Variants in SYT16 observed in about 807,000 individuals in gnomAD.
The protein encoded by SYT16 is synaptotagmin 16.
A neutral mutation model predicts 61.4 loss-of-function variants in SYT16; 42 were observed. That is an observed-to-expected ratio of 0.68 (90% CI 0.53 to 0.89). SYT16 has a LOEUF of 0.89. Among genes scored for constraint, SYT16 ranks in the 40% least tolerant of loss-of-function variants. SYT16 has a pLI of 0.00. For missense variants in SYT16, 804 were observed against 807.3 expected, an observed-to-expected ratio of 1.00 and a Z score of 0.05; for synonymous variants, 314 against 302.3, an observed-to-expected ratio of 1.04 and a Z score of -0.40.
chr14:61,842,079 G>A (rs1594741217), intron 1 of SYT16, among the ~76,000 whole-genome samples: 2 of 152,000 alleles, frequency 1.3e-5, no homozygotes, highest in East Asian at 3.9e-4. Flanking sequence ...ATATATTTGT[G>A]GGGTACATGA....
intron 2 of SYT16, among the ~76,000 whole-genome samples, chr14:61,981,555 T>C (rs945789296): frequency 7.9e-5 from 12 of 152,354 alleles, no homozygotes; most frequent in African/African-American, 2.4e-4. Context: ...CATTTCCAAA[T>C]GATACTCTCT....
At chr14:62,047,804 C>G (rs1217923170) in intron 3 of SYT16, among the ~76,000 whole-genome samples, 1 of 152,116 alleles carries the variant, frequency 6.6e-6, no homozygotes, top group Non-Finnish European at 1.5e-5. Flanking sequence ...TTGAACCAGC[C>G]TTGCATCCCA....
intron 1 of SYT16, among the ~76,000 whole-genome samples, chr14:61,962,135 AG>A (rs2051139560): frequency 6.6e-6 from 1 of 152,138 alleles, no homozygotes; most frequent in Non-Finnish European, 1.5e-5. Flanking sequence ...GAATGGGAGG[AG>A]GGTAAGATTT....
intron 3 of SYT16, among the ~76,000 whole-genome samples, chr14:62,067,858 T>C (rs1174945122): frequency 6.6e-6 from 1 of 152,102 alleles, no homozygotes; most frequent in East Asian, 1.9e-4. Context: ...TGGTGGTGCA[T>C]GCCTGTAATC....
chr14:61,890,698 C>T (rs73258426), intron 1 of SYT16, among the ~76,000 whole-genome samples: 3,508 of 152,016 alleles, frequency 0.023, 145 homozygotes, highest in African/African-American at 0.079. Flanking sequence ...TAGTAAATTG[C>T]GTATGTTAGT....
In SYT16 at chr14:62,110,680, A is replaced by T. The variant is rs933403651; in HGVS notation, c.*9973A>T. On this transcript the variant is annotated 3_prime_UTR_variant, in exon 8 of 8. Transcript: ENST00000683842. ...ATTAGGTTCTAATTTTTTTTTGTTC[A>T]AACACTGATCATGTAACAAACTGCA... 12 of 151,988 alleles carry T rather than the reference A, an allele frequency of 7.9e-5. No individual in the cohort carries two copies. The East Asian group carries it at 2.1e-3, about 27-fold the overall frequency. 9.4% of individuals were successfully genotyped at this position (151,988 alleles called of 1,614,324 possible).
In SYT16 at chr14:61,932,105, A is replaced by G. The variant is rs970268479; in HGVS notation, c.-324-38027A>G. Among the ~76,000 whole-genome samples, 7 of 152,324 alleles carry G rather than the reference A, an allele frequency of 4.6e-5. No homozygotes were observed. The East Asian group carries it at 9.6e-4, about 21-fold the overall frequency. On this transcript the variant is annotated intron_variant, in intron 1 of 7. Coordinates refer to ENST00000683842, the MANE Select transcript of SYT16 (RefSeq NM_001367656.1). ...GACACTGCTTTAACCAGTTGAACAC[A>G]CACTGGGCACTGTGGCCACCAGCCA... is the stretch of plus-strand genomic sequence containing the variant.
At chr14:61,943,409 A>G (rs2140455791) in intron 1 of SYT16, among the ~76,000 whole-genome samples, 1 of 152,270 alleles carries the variant, frequency 6.6e-6, no homozygotes, top group South Asian at 2.1e-4. Flanking sequence ...TGATATCAAA[A>G]CCTGGCTGAG....
At chr14:61,911,633 A>T (rs1157764408) in intron 1 of SYT16, among the ~76,000 whole-genome samples, 1 of 152,212 alleles carries the variant, frequency 6.6e-6, no homozygotes, top group Non-Finnish European at 1.5e-5. Context: ...AAAAAATTGA[A>T]AGCATTAAAA....
intron 2 of SYT16, among the ~76,000 whole-genome samples, chr14:61,987,570 AG>A (rs2052366899): frequency 1.3e-5 from 2 of 152,170 alleles, no homozygotes; most frequent in Admixed American, 6.6e-5. Flanking sequence ...TTTAGATGAA[AG>A]AATGGGTAGG....
intron 1 of SYT16, among the ~76,000 whole-genome samples, chr14:61,915,115 T>C (rs2049071073): frequency 6.6e-6 from 1 of 152,152 alleles, no homozygotes; most frequent in Admixed American, 6.5e-5. Context: ...ATGATACCCC[T>C]CTTTTTCTGT....
intron 1 of SYT16, among the ~76,000 whole-genome samples, chr14:61,885,718 C>T (rs776356249): frequency 6.6e-6 from 1 of 152,140 alleles, no homozygotes; most frequent in Non-Finnish European, 1.5e-5. Context: ...GAGTCACATA[C>T]ATTTTTTGGT....
intron 7 of SYT16, among the ~76,000 whole-genome samples, chr14:62,086,479 CA>C (rs1035571356): frequency 7.8e-4 from 118 of 151,802 alleles, no homozygotes; most frequent in African/African-American, 2.4e-3. Flanking sequence ...GACTGTGTCT[CA>C]AAAAAACAAA....
intron 2 of SYT16, among the ~76,000 whole-genome samples, chr14:61,971,062 T>G (rs2051532507): frequency 4.6e-5 from 7 of 151,836 alleles, no homozygotes; most frequent in Admixed American, 4.6e-4. Context: ...TTGAGGAGAG[T>G]ACCCTCCAGG....
At chr14:61,891,062 T>C (rs1469219951) in intron 1 of SYT16, among the ~76,000 whole-genome samples, 1 of 152,210 alleles carries the variant, frequency 6.6e-6, no homozygotes, top group Non-Finnish European at 1.5e-5. Context: ...CTCCCTTGGC[T>C]TTTGGCTAAG....
At chr14:61,858,451 G>A (rs1431623984) in intron 1 of SYT16, among the ~76,000 whole-genome samples, 1 of 152,086 alleles carries the variant, frequency 6.6e-6, no homozygotes, top group African/African-American at 2.4e-5. Flanking sequence ...TTTAAGACAG[G>A]GCCTGGGAAT....
chr14:61,944,962 G>A (rs780241159), intron 1 of SYT16, among the ~76,000 whole-genome samples: 2 of 152,088 alleles, frequency 1.3e-5, no homozygotes, highest in African/African-American at 4.8e-5. Context: ...CCTACAGAAC[G>A]GGAGAAAATT....
At chr14:62,092,797 A>T (rs2057135386) in intron 7 of SYT16, among the ~76,000 whole-genome samples, 1 of 152,006 alleles carries the variant, frequency 6.6e-6, no homozygotes, top group Non-Finnish European at 1.5e-5. Flanking sequence ...AGAGTTTTGG[A>T]GATGGATGGT....
At chr14:62,049,252 A>T (rs1487424510) in intron 3 of SYT16, among the ~76,000 whole-genome samples, 2 of 151,738 alleles carry the variant, frequency 1.3e-5, no homozygotes. Context: ...GTCTCTTTTG[A>T]TCTTTGTTGG....
Sources: gnomAD v4.1 joint callset for allele counts (sites outside exome capture counted in the v4.1 genomes callset) on GRCh38, gnomAD v4.1.1 for gene constraint, MANE v1.5 for transcripts, NCBI Gene and HGNC (gene_info 2026-07-23, HGNC 2026-07-21) for gene names.